KCNAB1: variants seen among roughly 807,000 people sequenced by gnomAD.
KCNAB1 encodes voltage-gated potassium channel subunit beta-1.
Under a neutral mutation model 64.6 loss-of-function variants are expected in KCNAB1, and 35 were observed. The ratio of observed to expected loss-of-function variants is 0.54; its 90% CI spans 0.41 to 0.72. KCNAB1 has a LOEUF of 0.72. KCNAB1 is among the 30% of genes least tolerant of loss of function. The pLI is 0.00. For synonymous variants in KCNAB1, 177 were observed against 183.8 expected (o/e 0.96, Z 0.30); for missense variants, 401 against 512.9 (o/e 0.78, Z 2.11).
At chr3:156,453,477 T>G (rs892894467) in intron 3 of KCNAB1, among the ~76,000 whole-genome samples, 2 of 152,180 alleles carry the variant, frequency 1.3e-5, no homozygotes, top group Non-Finnish European at 2.9e-5. Flanking sequence ...TTGAAAGAAT[T>G]AACACATCAT....
chr3:156,299,947 G>A (rs1721043864), intron 1 of KCNAB1, among the ~76,000 whole-genome samples: 1 of 152,158 alleles, frequency 6.6e-6, no homozygotes, highest in South Asian at 2.1e-4. Flanking sequence ...AGTCCTCAGA[G>A]GAAGTGATAA....
chr3:156,394,253 C>G (rs963113052), intron 1 of KCNAB1, among the ~76,000 whole-genome samples: 7 of 152,164 alleles, frequency 4.6e-5, no homozygotes, highest in Admixed American at 3.9e-4. Flanking sequence ...TCACCATCTC[C>G]CCTAGAATAT....
chr3:156,162,980 A>G (rs1462179558), intron 1 of KCNAB1, among the ~76,000 whole-genome samples: 2 of 152,218 alleles, frequency 1.3e-5, no homozygotes, highest in Non-Finnish European at 2.9e-5. Context: ...TCCGTAACTA[A>G]TTGCAGAGGA....
At chr3:156,178,501 A>G (rs939757107) in intron 1 of KCNAB1, among the ~76,000 whole-genome samples, 1 of 152,208 alleles carries the variant, frequency 6.6e-6, no homozygotes, top group Non-Finnish European at 1.5e-5. Context: ...CCATTGTTTC[A>G]TGGAAGAAAA....
chr3:156,264,055 CTA>C (rs894207850), intron 1 of KCNAB1, among the ~76,000 whole-genome samples: 2 of 151,974 alleles, frequency 1.3e-5, no homozygotes, highest in Non-Finnish European at 2.9e-5. Context: ...CCTTTCAAGT[CTA>C]TTGTTTTTGT....
chr3:156,501,351 A>G (rs896699649), intron 8 of KCNAB1, among the ~76,000 whole-genome samples: 4 of 151,578 alleles, frequency 2.6e-5, no homozygotes, highest in Admixed American at 1.3e-4. Flanking sequence ...ATAAAACTTT[A>G]CTGAAAGACA....
intron 1 of KCNAB1, among the ~76,000 whole-genome samples, chr3:156,135,451 C>T (rs887291587): frequency 6.6e-6 from 1 of 152,196 alleles, no homozygotes; most frequent in Non-Finnish European, 1.5e-5. Context: ...TTATTCCAGT[C>T]CTTACAATAA....
chr3:156,294,200 A>G (rs1192292624), intron 1 of KCNAB1, among the ~76,000 whole-genome samples: 1 of 152,236 alleles, frequency 6.6e-6, no homozygotes, highest in Non-Finnish European at 1.5e-5. Flanking sequence ...AGTGTGAGCA[A>G]GGTTCGCTTG....
intron 2 of KCNAB1, among the ~76,000 whole-genome samples, chr3:156,423,876 G>A (rs1166517623): frequency 6.6e-6 from 1 of 152,094 alleles, no homozygotes; most frequent in Non-Finnish European, 1.5e-5. Flanking sequence ...AACTGGATAG[G>A]ATCAATAAAG....
At chr3:156,291,495 A>G (rs1478988667) in intron 1 of KCNAB1, 13 of 1,060,786 alleles carry the variant, frequency 1.2e-5, no homozygotes, top group East Asian at 7.7e-5. Context: ...GCGAGCCCGC[A>G]TTCAGACACC....
intron 7 of KCNAB1, among the ~76,000 whole-genome samples, chr3:156,466,612 CAT>C (rs1398988476): frequency 6.6e-6 from 1 of 151,872 alleles, no homozygotes; most frequent in East Asian, 1.9e-4. Context: ...TTAATGCACT[CAT>C]CACTGAGTAG....
intron 1 of KCNAB1, among the ~76,000 whole-genome samples, chr3:156,403,698 G>C (rs989533815): frequency 5.9e-5 from 9 of 152,116 alleles, no homozygotes; most frequent in African/African-American, 2.2e-4. Context: ...TTCAAGACCA[G>C]CCTGAGCAAC....
intron 2 of KCNAB1, among the ~76,000 whole-genome samples, chr3:156,440,973 G>C (rs1716950550): frequency 6.6e-6 from 1 of 151,830 alleles, no homozygotes; most frequent in African/African-American, 2.4e-5. Flanking sequence ...AAAATTCTTA[G>C]TCAAAAAGTA....
At chr3:156,478,661 G>A (rs1714557731) in intron 8 of KCNAB1, among the ~76,000 whole-genome samples, 1 of 152,146 alleles carries the variant, frequency 6.6e-6, no homozygotes, top group African/African-American at 2.4e-5. Flanking sequence ...TTATTAAAAT[G>A]CCAATTGTAT....
intron 1 of KCNAB1, among the ~76,000 whole-genome samples, chr3:156,153,985 TGTTA>T (rs1490520364): frequency 1.3e-5 from 2 of 152,226 alleles, no homozygotes; most frequent in African/African-American, 4.8e-5. Context: ...ATCCATCTCC[TGTTA>T]GTTGTGTTTA....
At chr3:156,329,625 C>T (rs2108042169) in intron 1 of KCNAB1, among the ~76,000 whole-genome samples, 1 of 152,200 alleles carries the variant, frequency 6.6e-6, no homozygotes, top group South Asian at 2.1e-4. Flanking sequence ...GGGAGGACAG[C>T]TAAACTCTCT....
At chr3:156,315,031 C>T (rs1722184237) in intron 1 of KCNAB1, among the ~76,000 whole-genome samples, 1 of 152,098 alleles carries the variant, frequency 6.6e-6, no homozygotes, top group Admixed American at 6.6e-5. Context: ...AATTATATTG[C>T]AACATTTTCT....
At chr3:156,171,305 T>A (rs1390843799) in intron 1 of KCNAB1, among the ~76,000 whole-genome samples, 3 of 152,024 alleles carry the variant, frequency 2.0e-5, no homozygotes, top group African/African-American at 7.3e-5. Context: ...AAGAATAGTC[T>A]ATATTGGTTT....
chr3:156,359,637 A>G (rs1725475209), intron 1 of KCNAB1, among the ~76,000 whole-genome samples: 1 of 152,204 alleles, frequency 6.6e-6, no homozygotes, highest in Non-Finnish European at 1.5e-5. Context: ...TGCTGATGAA[A>G]TCATCACTGT....
Sources: allele counts gnomAD v4.1 joint callset (sites outside exome capture counted in the v4.1 genomes callset), GRCh38; gene constraint gnomAD v4.1.1; transcripts MANE v1.5; gene names NCBI Gene and HGNC (gene_info 2026-07-23, HGNC 2026-07-21).